ERI3: variants seen among roughly 807,000 people sequenced by gnomAD.
ERI3 encodes ERI1 exoribonuclease 3.
ERI3 carries 18 observed loss-of-function variants against 44.4 expected under a neutral mutation model. That is an observed-to-expected ratio of 0.41 (90% CI 0.28 to 0.60). The LOEUF (loss-of-function observed/expected upper bound fraction) is 0.60, where lower values mean the gene tolerates loss of function less well. Ranked by LOEUF, ERI3 falls within the 20% of genes least tolerant of loss-of-function variation. The probability of loss-of-function intolerance (pLI) is 0.36; values close to 1 mark genes in which losing one functional copy is unlikely to be tolerated. For synonymous variants in ERI3, 183 were observed against 164.8 expected (o/e 1.11, Z -0.84); for missense variants, 294 against 435.5 (o/e 0.68, Z 2.89).
intron 6 of ERI3, among the ~76,000 whole-genome samples, chr1:44,303,487 T>C (rs1276661099): frequency 6.6e-6 from 1 of 152,234 alleles, no homozygotes. Context: ...TCAAGCCTTG[T>C]CCTTGTCCTA....
rs895919969 is a variant in ERI3, at chr1:44,252,817, G to A, written c.832-4779C>T. ...GAGTGGACGCACAGTGGGAAGGGCT[G>A]TGGTTGGGCTAAATGGCTAGAACCC... On this transcript the variant is annotated intron_variant, in intron 7 of 8. Transcript: ENST00000372257. The surrounding 1 kb of genome is among the most constrained non-coding windows in gnomAD (Gnocchi z 4.7). Among the ~76,000 whole-genome samples the A allele has an allele frequency of 3.3e-5, 5 of 152,236 alleles. No homozygotes were observed. The highest frequency in any genetic ancestry group is 5.9e-5 in the Non-Finnish European group (4 of 68,042).
intron 7 of ERI3, among the ~76,000 whole-genome samples, chr1:44,270,304 T>C (rs916756745): frequency 6.6e-6 from 1 of 152,242 alleles, no homozygotes; most frequent in African/African-American, 2.4e-5. Context: ...TTTATGCCTC[T>C]TAGTTTACTG....
At chr1:44,293,123 T>C (rs1327869360) in intron 6 of ERI3, among the ~76,000 whole-genome samples, 1 of 152,166 alleles carries the variant, frequency 6.6e-6, no homozygotes, top group African/African-American at 2.4e-5. Flanking sequence ...ACTCTGGCAG[T>C]ATTAAAACAT....
chr1:44,348,071 G>A (rs1646819384), intron 2 of ERI3, among the ~76,000 whole-genome samples: 1 of 152,118 alleles, frequency 6.6e-6, no homozygotes, highest in Non-Finnish European at 1.5e-5. Flanking sequence ...GAATTAATAT[G>A]CCCACAGTCA....
intron 8 of ERI3, among the ~76,000 whole-genome samples, chr1:44,224,460 T>G (rs1008870084): frequency 6.6e-5 from 10 of 152,204 alleles, no homozygotes; most frequent in Non-Finnish European, 1.2e-4. Context: ...CAATCTTAAT[T>G]TCACCCACTG....
intron 1 of ERI3, 36 bp from the exon 2 acceptor site, chr1:44,352,961 T>C: frequency 1.9e-6 from 3 of 1,612,834 alleles, no homozygotes; most frequent in Non-Finnish European, 8.5e-7. Context: ...ACAAGTCTAT[T>C]TCAATACCAA....
At chr1:44,287,966 C>G (rs1645429162) in intron 6 of ERI3, among the ~76,000 whole-genome samples, 1 of 152,216 alleles carries the variant, frequency 6.6e-6, no homozygotes. Flanking sequence ...TTAGTTGACA[C>G]AGGCCAGGAG....
rs1646975159 is a variant in ERI3 at position 44,355,141 on chromosome 1, CG to C, written c.-116del. The C allele has an allele frequency of 1.6e-6, 2 of 1,222,706 alleles. No individual in the cohort carries two copies. Among genetic ancestry groups the C allele is most frequent in the Non-Finnish European group, 2.0e-6 (2 of 977,974 alleles). The allele number at this position is 1,222,706 out of a possible 1,614,324, so 75.7% of individuals were successfully genotyped here. A position where few individuals can be genotyped will look rare whatever the true frequency, so the allele number is the denominator to read the frequency against. On this transcript the variant is annotated 5_prime_UTR_variant, in exon 1 of 9. Coordinates refer to ENST00000372257, the MANE Select transcript of ERI3 (RefSeq NM_024066.3). ...AGTTGGCGGCGGCGGGCGCGGCCCG[CG>C]CCGACTGCGGCGCCGGCCAGGCAGA... is the stretch of plus-strand genomic sequence containing the variant.
At chr1:44,273,424 A>G (rs1294403577) in intron 7 of ERI3, among the ~76,000 whole-genome samples, 1 of 152,218 alleles carries the variant, frequency 6.6e-6, no homozygotes, top group African/African-American at 2.4e-5. Context: ...ATGTGCCTTT[A>G]GGCAAGTTTC....
chr1:44,238,078 C>T (rs956182908), intron 8 of ERI3, among the ~76,000 whole-genome samples: 5 of 152,140 alleles, frequency 3.3e-5, no homozygotes, highest in African/African-American at 7.2e-5. Context: ...GCAGCCAGCA[C>T]GGAGGCAGCC....
intron 5 of ERI3, among the ~76,000 whole-genome samples, chr1:44,312,821 G>A (rs1203445207): frequency 1.3e-5 from 2 of 152,188 alleles, no homozygotes; most frequent in Non-Finnish European, 2.9e-5. Flanking sequence ...CCAGTCCCTG[G>A]GGCTAGTCCC....
At chr1:44,310,951 T>TCGTGCGCGCACGCG (rs1553195163) in intron 5 of ERI3, among the ~76,000 whole-genome samples, 1 of 95,026 alleles carries the variant, frequency 1.1e-5, no homozygotes, top group African/African-American at 4.2e-5. Flanking sequence ...TATGTGCACA[T>TCGTGCGCGCACGCG]CGCGCGCGCG....
At chr1:44,270,674 C>T (rs1235089966) in intron 7 of ERI3, among the ~76,000 whole-genome samples, 1 of 152,194 alleles carries the variant, frequency 6.6e-6, no homozygotes, top group Non-Finnish European at 1.5e-5. Flanking sequence ...CTCTAAGCAG[C>T]AGCCAGCAAG....
At chr1:44,322,693 A>G (rs1646228271) in intron 3 of ERI3, 1 of 1,520,904 alleles carries the variant, frequency 6.6e-7, no homozygotes, top group African/African-American at 1.4e-5. Flanking sequence ...GAGAAATTAG[A>G]GCAGCAAGGA....
intron 7 of ERI3, among the ~76,000 whole-genome samples, chr1:44,258,389 T>C (rs1176230759): frequency 6.6e-6 from 1 of 152,200 alleles, no homozygotes; most frequent in African/African-American, 2.4e-5. Flanking sequence ...GGTATATGCA[T>C]GCTTGCACAC....
At chr1:44,305,584 A>C (rs1307273809) in intron 6 of ERI3, among the ~76,000 whole-genome samples, 1 of 152,234 alleles carries the variant, frequency 6.6e-6, no homozygotes, top group East Asian at 1.9e-4. Flanking sequence ...GTAAACTTGG[A>C]GAATCAACTC....
chr1:44,307,654 G>A (rs1281298901), intron 6 of ERI3, among the ~76,000 whole-genome samples: 1 of 152,190 alleles, frequency 6.6e-6, no homozygotes, highest in Admixed American at 6.5e-5. Context: ...ACAGGATCAG[G>A]AGACAAAGGT....
At chr1:44,322,851 C>T in intron 3 of ERI3, 1 of 1,547,906 alleles carries the variant, frequency 6.5e-7, no homozygotes, top group Non-Finnish European at 8.7e-7. Flanking sequence ...GCCAGGGCAC[C>T]TGAAGCATGA....
chr1:44,332,611 T>C (rs1444271738), intron 3 of ERI3, among the ~76,000 whole-genome samples: 1 of 152,248 alleles, frequency 6.6e-6, no homozygotes, highest in African/African-American at 2.4e-5. Flanking sequence ...CAGTGCTCCA[T>C]TCCCCGAGAT....
Sources: allele counts gnomAD v4.1 joint callset (sites outside exome capture counted in the v4.1 genomes callset), GRCh38; gene constraint gnomAD v4.1.1; non-coding constraint Gnocchi (gnomAD v3.1); transcripts MANE v1.5; gene names NCBI Gene and HGNC (gene_info 2026-07-23, HGNC 2026-07-21).